Variants in EPHB2 observed in about 807,000 individuals in gnomAD.
EPHB2 encodes the protein EPH receptor B2.
In EPHB2, 18 loss-of-function variants were observed where a neutral mutation model predicts 96.4. The ratio of observed to expected loss-of-function variants is 0.19; its 90% CI spans 0.13 to 0.28. The LOEUF is 0.28. Among genes scored for constraint, EPHB2 ranks in the 10% least tolerant of loss-of-function variants. The pLI is 1.00. For synonymous variants in EPHB2, 506 were observed against 534.1 expected (o/e 0.95, Z 0.72); for missense variants, 989 against 1,355.4 (o/e 0.73, Z 4.25).
At chr1:22,755,938 A>G (rs1644142905) in intron 1 of EPHB2, among the ~76,000 whole-genome samples, 1 of 152,106 alleles carries the variant, frequency 6.6e-6, no homozygotes, top group Non-Finnish European at 1.5e-5. Flanking sequence ...TCACCACTCT[A>G]GAAAGATAGT....
In EPHB2 at chr1:22,893,033, G is replaced by C. The variant is rs2148566890; in HGVS notation, c.1578G>C (p.Gln526His). The C allele has an allele frequency of 1.2e-6, 2 of 1,614,208 alleles. No individual in the cohort carries two copies. Among genetic ancestry groups the C allele is most frequent in the Non-Finnish European group, 1.7e-6 (2 of 1,180,042 alleles). The change falls in exon 7 of 16, where the codon CAG (glutamine) becomes CAC (histidine). Residue 526 changes from glutamine (Q) to histidine (H), a missense_variant. Coordinates refer to ENST00000374630, the MANE Select transcript of EPHB2 (RefSeq NM_017449.5). ...GCTACAGCGGCAAGATGTACTTCCA[G>C]ACCATGACAGAAGGTGAGCAGAGTC... ...YGRYSGKMYF[Q>H]TMTEAEYQTS...
intron 3 of EPHB2, among the ~76,000 whole-genome samples, chr1:22,820,153 A>T (rs1370581082): frequency 6.6e-6 from 1 of 152,214 alleles, no homozygotes; most frequent in Non-Finnish European, 1.5e-5. Context: ...CCTAGCTAAG[A>T]TCACACGGTT....
chr1:22,868,375 C>T (rs1321270566), intron 5 of EPHB2, among the ~76,000 whole-genome samples: 1 of 152,094 alleles, frequency 6.6e-6, no homozygotes, highest in Admixed American at 6.6e-5. Flanking sequence ...AAATGAACGG[C>T]ATTCATTTAG....
intron 1 of EPHB2, among the ~76,000 whole-genome samples, chr1:22,739,216 G>GTTT (rs1327114130): frequency 1.7e-3 from 252 of 151,092 alleles, no homozygotes; most frequent in African/African-American, 5.6e-3. Flanking sequence ...AATTCTTTTT[G>GTTT]TTTTTTTTCT....
chr1:22,720,677 C>A (rs1225120870), intron 1 of EPHB2, among the ~76,000 whole-genome samples: 2 of 137,304 alleles, frequency 1.5e-5, no homozygotes. Context: ...CCCCCCCGCC[C>A]CAGCACTTAC....
chr1:22,740,580 C>G (rs1643889444), intron 1 of EPHB2, among the ~76,000 whole-genome samples: 1 of 152,224 alleles, frequency 6.6e-6, no homozygotes, highest in Non-Finnish European at 1.5e-5. Flanking sequence ...TTCTGAGTGC[C>G]ATCTGGGGGA....
chr1:22,832,845 G>T (rs1645325984), intron 3 of EPHB2, among the ~76,000 whole-genome samples: 1 of 151,966 alleles, frequency 6.6e-6, no homozygotes, highest in African/African-American at 2.4e-5. Context: ...AATGACTACA[G>T]CACCTGTACA....
chr1:22,829,818 G>A (rs1570352454), intron 3 of EPHB2, among the ~76,000 whole-genome samples: 2 of 152,182 alleles, frequency 1.3e-5, no homozygotes, highest in East Asian at 3.9e-4. Flanking sequence ...GATGGCAGGG[G>A]CATTCCAGGC....
At position 22,916,276 on chromosome 1, in the gene EPHB2, C is replaced by G. The variant is rs894785539; in HGVS notation, c.*2706C>G. On this transcript the variant is annotated 3_prime_UTR_variant, in exon 16 of 16. Coordinates refer to ENST00000374630, the MANE Select transcript of EPHB2 (RefSeq NM_017449.5). The surrounding 1 kb of genome is among the most constrained non-coding windows in gnomAD (Gnocchi z 4.2). ...CATGGGGCTGGCAGTCGGTGCTTCC[C>G]GTCAGATGGCTTCCTGTCCTAAGCC... is the stretch of plus-strand genomic sequence containing the variant. 6.6e-6 allele frequency: 1 copy of G among 152,440 alleles called. No individual in the cohort carries two copies. The highest frequency in any genetic ancestry group is 1.5e-5 in the Non-Finnish European group (1 of 68,238). 9.4% of individuals were successfully genotyped at this position (152,440 alleles called of 1,614,324 possible). A position where few individuals can be genotyped will look rare whatever the true frequency, so the allele number is the denominator to read the frequency against.
chr1:22,753,854 C>T lies in EPHB2; in HGVS notation c.62-27567C>T, dbSNP rs371440948. ...TATATCCTCCGCCTCTCCAGCTTCTCGGCGTAATGAGCTCCAGATGTGGTG... is the reference window on the plus strand; with the variant it reads ...TATATCCTCCGCCTCTCCAGCTTCTTGGCGTAATGAGCTCCAGATGTGGTG... On this transcript the variant is annotated intron_variant, in intron 1 of 15. Coordinates refer to ENST00000374630, the MANE Select transcript of EPHB2 (RefSeq NM_017449.5). Among the ~76,000 whole-genome samples, 10 of 152,304 alleles carry T rather than the reference C, an allele frequency of 6.6e-5. 1 individual carries two copies. The highest frequency in any genetic ancestry group is 1.9e-4 in the African/African-American group (8 of 41,572).
At chr1:22,739,040 G>A (rs926970356) in intron 1 of EPHB2, among the ~76,000 whole-genome samples, 1 of 152,104 alleles carries the variant, frequency 6.6e-6, no homozygotes, top group African/African-American at 2.4e-5. Flanking sequence ...TAAAAATTAT[G>A]TTGTGTACTT....
chr1:22,817,155 C>T (rs1464779656), intron 3 of EPHB2, among the ~76,000 whole-genome samples: 1 of 152,238 alleles, frequency 6.6e-6, no homozygotes, highest in African/African-American at 2.4e-5. Context: ...AGGCCTGCTC[C>T]CTCCACAGGG....
At chr1:22,800,335 G>T (rs1308894999) in intron 3 of EPHB2, 1 of 152,308 alleles carries the variant, frequency 6.6e-6, no homozygotes, top group Non-Finnish European at 1.5e-5. Context: ...GCTTGCCTGT[G>T]TGGGTGACAC....
rs761300345 is a variant in EPHB2, at chr1:22,892,898, C to A, written c.1443C>A (p.Tyr481Ter). 1 of 1,614,182 alleles carries A rather than the reference C, an allele frequency of 6.2e-7. No homozygotes were observed. Among genetic ancestry groups the A allele is most frequent in the Non-Finnish European group, 8.5e-7 (1 of 1,180,030 alleles). ...LQYYEKELSEYNATAIKSPTN... is the reference protein window; with the variant it reads ...LQYYEKELSE ...TTCCTCGGCAGGAGCTCAGTGAGTA[C>A]AACGCCACAGCCATAAAAAGCCCCA... The change falls in exon 7 of 16, where the codon TAC becomes TAA. Residue 481 changes from tyrosine (Y) to a stop codon, truncating the protein, a stop_gained. Transcript: ENST00000374630. LOFTEE classifies it high-confidence loss of function.
At position 22,858,098 on chromosome 1, in the gene EPHB2, T is replaced by C. The variant is rs903472550; in HGVS notation, c.812-4939T>C. On this transcript the variant is annotated intron_variant, in intron 3 of 15. Coordinates refer to ENST00000374630, the MANE Select transcript of EPHB2 (RefSeq NM_017449.5). The surrounding 1 kb of genome is among the most constrained non-coding windows in gnomAD (Gnocchi z 7.7). ...GGAGGAGGTGGCATTTAAGCTGGGGTCTGAAGGAGGAAAAGGAGCCAGCGA... is the reference window on the plus strand; with the variant it reads ...GGAGGAGGTGGCATTTAAGCTGGGGCCTGAAGGAGGAAAAGGAGCCAGCGA... Among the ~76,000 whole-genome samples, 4 of 151,616 alleles carry C rather than the reference T, an allele frequency of 2.6e-5. No individual in the cohort carries two copies. Among genetic ancestry groups the C allele is most frequent in the East Asian group, 1.9e-4 (1 of 5,174 alleles).
At chr1:22,738,904 G>A (rs1185295471) in intron 1 of EPHB2, among the ~76,000 whole-genome samples, 2 of 152,148 alleles carry the variant, frequency 1.3e-5, no homozygotes, top group Non-Finnish European at 2.9e-5. Context: ...GCAGCCCTGG[G>A]TCCTGTAGTC....
chr1:22,798,956 T>G, intron 3 of EPHB2, among the ~76,000 whole-genome samples: 1 of 151,814 alleles, frequency 6.6e-6, no homozygotes, highest in East Asian at 1.9e-4. Context: ...ATGTCTAAGG[T>G]GGGGGGGACA....
At chr1:22,849,872 A>T (rs1348219374) in intron 3 of EPHB2, among the ~76,000 whole-genome samples, 1 of 152,214 alleles carries the variant, frequency 6.6e-6, no homozygotes, top group African/African-American at 2.4e-5. Context: ...ACACTGAAAA[A>T]GTTCACAGGT....
rs138032240 is a variant in EPHB2, at chr1:22,799,370, G to C, written c.811+14294G>C. ...AAAATAGGTAAGAGCCAGCCACCTGGGTTCAAATACTGGCTCTGACATCTG... is the reference window on the plus strand; with the variant it reads ...AAAATAGGTAAGAGCCAGCCACCTGCGTTCAAATACTGGCTCTGACATCTG... On this transcript the variant is annotated intron_variant, in intron 3 of 15. Transcript: ENST00000374630. Among the ~76,000 whole-genome samples, 225 of 152,264 alleles carry C rather than the reference G, an allele frequency of 1.5e-3. 2 individuals carry two copies. Among genetic ancestry groups the C allele is most frequent in the African/African-American group, 5.2e-3 (214 of 41,552 alleles).
Sources: allele counts gnomAD v4.1 joint callset (sites outside exome capture counted in the v4.1 genomes callset), GRCh38; gene constraint gnomAD v4.1.1; non-coding constraint Gnocchi (gnomAD v3.1); transcripts MANE v1.5; gene names NCBI Gene and HGNC (gene_info 2026-07-23, HGNC 2026-07-21).